PCDHGA2: variants seen among roughly 807,000 people sequenced by gnomAD.
PCDHGA2 encodes the protein protocadherin gamma-A2.
In PCDHGA2, 40 loss-of-function variants were observed where a neutral mutation model predicts 59.2. The ratio of observed to expected loss-of-function variants is 0.68; its 90% CI spans 0.52 to 0.88. The LOEUF (loss-of-function observed/expected upper bound fraction) is 0.88, where lower values mean the gene tolerates loss of function less well. Ranked by LOEUF, PCDHGA2 falls within the 40% of genes least tolerant of loss-of-function variation. The pLI is 0.00. For synonymous variants in PCDHGA2, 560 were observed against 526.0 expected (o/e 1.06, Z -0.89); for missense variants, 1,226 against 1,204.0 (o/e 1.02, Z -0.27).
intron 1 of PCDHGA2, chr5:141,341,715 A>G: frequency 2.0e-6 from 1 of 488,372 alleles, no homozygotes; most frequent in South Asian, 3.7e-5. Flanking sequence ...TCATCCACCC[A>G]GATCAACAAT....
Position 141,432,951 on chromosome 5 carries a change from G to T in PCDHGA2, c.2425-61856G>T, listed in dbSNP as rs758046420. 1.2e-6 allele frequency: 2 copies of T among 1,614,178 alleles called. No individual in the cohort carries two copies. The highest frequency in any genetic ancestry group is 4.5e-5 in the East Asian group (2 of 44,858). On this transcript the variant is annotated intron_variant, in intron 1 of 3. Coordinates refer to ENST00000394576, the MANE Select transcript of PCDHGA2 (RefSeq NM_018915.4). This position sits in a 1 kb window ranked among gnomAD's most constrained non-coding sequence, Gnocchi z 6.0. ...CGCCTGCTGCAGGCTTCAGGAGGCGGCTTGACAGGAGCGCCGGCGTCGCAC... is the reference window on the plus strand; with the variant it reads ...CGCCTGCTGCAGGCTTCAGGAGGCGTCTTGACAGGAGCGCCGGCGTCGCAC...
chr5:141,420,477 A>T (rs1469261817), intron 1 of PCDHGA2: 3 of 626,262 alleles, frequency 4.8e-6, no homozygotes, highest in Non-Finnish European at 7.0e-6. Flanking sequence ...TTTAAAGCAA[A>T]CTACATGGGT....
chr5:141,382,821 CAG>C, intron 1 of PCDHGA2: 1 of 1,306,412 alleles, frequency 7.7e-7, no homozygotes, highest in South Asian at 1.5e-5. Context: ...CTTCCTAAGA[CAG>C]AGGGGTCCAC....
intron 1 of PCDHGA2, chr5:141,409,917 C>G: frequency 6.2e-7 from 1 of 1,613,376 alleles, no homozygotes; most frequent in South Asian, 1.1e-5. Flanking sequence ...CCTGACGGCT[C>G]CGCGTTCTTC....
chr5:141,356,194 A>C, intron 1 of PCDHGA2: 2 of 1,609,932 alleles, frequency 1.2e-6, no homozygotes, highest in Non-Finnish European at 1.7e-6. Context: ...AGCTAGAAGC[A>C]AGGTACTGGT....
In PCDHGA2 at chr5:141,431,892, A is replaced by G. The variant is rs1456048000; in HGVS notation, c.2425-62915A>G. The G allele has an allele frequency of 2.1e-5, 34 of 1,614,054 alleles. No homozygotes were observed. Among genetic ancestry groups the G allele is most frequent in the Non-Finnish European group, 2.7e-5 (32 of 1,179,972 alleles). ...AATGTAAATGACCAAGATTCTGAGG[A>G]AAACGGACAGGTGATCTGTTTCATC... is the stretch of plus-strand genomic sequence containing the variant. On this transcript the variant is annotated intron_variant, in intron 1 of 3. Transcript: ENST00000394576. The surrounding 1 kb of genome is among the most constrained non-coding windows in gnomAD (Gnocchi z 4.8).
At chr5:141,351,667 A>G (rs758441794) in intron 1 of PCDHGA2, 4 of 1,613,910 alleles carry the variant, frequency 2.5e-6, no homozygotes, top group Admixed American at 3.3e-5. Context: ...CCATTGCACA[A>G]GTAAGCGCCT....
chr5:141,351,915 A>T, intron 1 of PCDHGA2: 1 of 1,613,378 alleles, frequency 6.2e-7, no homozygotes, highest in Non-Finnish European at 8.5e-7. Flanking sequence ...GGCGACCTCA[A>T]TGACAATGCG....
intron 1 of PCDHGA2, chr5:141,395,524 T>A: frequency 2.5e-6 from 1 of 392,376 alleles, no homozygotes; most frequent in Non-Finnish European, 4.5e-6. Flanking sequence ...CCGTCCATAC[T>A]GGTAATTTTG....
At position 141,404,352 on chromosome 5, in the gene PCDHGA2, G is replaced by A. The variant is rs1378093484; in HGVS notation, c.2424+62957G>A. 1.7e-5 allele frequency: 27 copies of A among 1,613,812 alleles called. No individual in the cohort carries two copies. The South Asian group carries it at 2.9e-4, about 17-fold the overall frequency. On this transcript the variant is annotated intron_variant, in intron 1 of 3. Coordinates refer to ENST00000394576, the MANE Select transcript of PCDHGA2 (RefSeq NM_018915.4). ...GTCTACCTCCCGGAAAACAACGCCAGAGGTACTTCCATCTTCTCCGTGATT... is the reference window on the plus strand; with the variant it reads ...GTCTACCTCCCGGAAAACAACGCCAAAGGTACTTCCATCTTCTCCGTGATT...
chr5:141,498,971 G>GGGAA (rs201769957), intron 2 of PCDHGA2, among the ~76,000 whole-genome samples: 8,226 of 110,874 alleles, frequency 0.074, 335 homozygotes, highest in Middle Eastern at 0.11. Flanking sequence ...GAGGGAGGGA[G>GGGAA]GGAAGGAAGG....
intron 1 of PCDHGA2, chr5:141,408,397 G>T: frequency 6.2e-7 from 1 of 1,614,068 alleles, no homozygotes; most frequent in Non-Finnish European, 8.5e-7. Context: ...CGGCTCGCAA[G>T]CTGCGAGTGA....
At chr5:141,374,137 G>A in intron 1 of PCDHGA2, 1 of 1,606,330 alleles carries the variant, frequency 6.2e-7, no homozygotes. Context: ...TGCTCCTCAC[G>A]CTCCTGGGGA....
In PCDHGA2 at chr5:141,413,486, C is replaced by T. The variant is rs756751796; in HGVS notation, c.2424+72091C>T. On this transcript the variant is annotated intron_variant, in intron 1 of 3. Transcript: ENST00000394576. Reference sequence around the variant, plus strand: ...CGGGAGGAGCTCTGCGCTCAGAGCGCGCGGTGCGTGGTGAGTTTTAATATC... The same window carrying T: ...CGGGAGGAGCTCTGCGCTCAGAGCGTGCGGTGCGTGGTGAGTTTTAATATC... 5.0e-6 allele frequency: 8 copies of T among 1,613,914 alleles called. No homozygotes were observed. The African/African-American group carries it at 9.3e-5, about 19-fold the overall frequency.
At chr5:141,450,829 A>ATT (rs373424450) in intron 1 of PCDHGA2, among the ~76,000 whole-genome samples, 8,685 of 135,030 alleles carry the variant, frequency 0.064, 328 homozygotes, top group South Asian at 0.088. Context: ...TATTATTATT[A>ATT]TTTTTTTTTT....
intron 1 of PCDHGA2, among the ~76,000 whole-genome samples, chr5:141,474,357 T>G (rs185194067): frequency 2.0e-4 from 30 of 152,302 alleles, no homozygotes; most frequent in African/African-American, 6.5e-4. Context: ...AAGTCATGTC[T>G]CAGTAGGTCT....
intron 1 of PCDHGA2, chr5:141,372,823 A>G (rs1561557860): frequency 6.4e-7 from 1 of 1,564,608 alleles, no homozygotes; most frequent in South Asian, 1.2e-5. Flanking sequence ...AGTTTCTTCA[A>G]ACCTTTCCTT....
At chr5:141,458,735 A>G (rs2098952642) in intron 1 of PCDHGA2, among the ~76,000 whole-genome samples, 1 of 148,560 alleles carries the variant, frequency 6.7e-6, no homozygotes, top group East Asian at 2.0e-4. Context: ...ACATCCAGCT[A>G]TTGGTTTTGG....
chr5:141,351,540 C>T (rs1371036376), intron 1 of PCDHGA2: 2 of 1,614,024 alleles, frequency 1.2e-6, no homozygotes, highest in Non-Finnish European at 8.5e-7. Context: ...GGCAAACCAG[C>T]CCTTTCCTCC....
Sources: allele counts gnomAD v4.1 joint callset (sites outside exome capture counted in the v4.1 genomes callset), GRCh38; gene constraint gnomAD v4.1.1; non-coding constraint Gnocchi (gnomAD v3.1); transcripts MANE v1.5; gene names NCBI Gene and HGNC (gene_info 2026-07-23, HGNC 2026-07-21).